NOP58: variants seen among roughly 807,000 people sequenced by gnomAD.
NOP58 encodes the protein NOP58 ribonucleoprotein, also known as nucleolar protein 58.
A neutral mutation model predicts 71.2 loss-of-function variants in NOP58; 44 were observed. That is an observed-to-expected ratio of 0.62 (90% CI 0.49 to 0.79). The LOEUF (loss-of-function observed/expected upper bound fraction) is 0.79, where lower values mean the gene tolerates loss of function less well. Among genes scored for constraint, NOP58 ranks in the 30% least tolerant of loss-of-function variants. The pLI, the probability that NOP58 is intolerant of heterozygous loss-of-function variation, is 0.00. For synonymous variants in NOP58, 228 were observed against 200.3 expected (o/e 1.14, Z -1.17); for missense variants, 538 against 620.2 (o/e 0.87, Z 1.41).
chr2:202,283,607 AT>A lies in NOP58; in HGVS notation c.298-733del, dbSNP rs571897818. Among the ~76,000 whole-genome samples, 863 of 151,544 alleles carry A rather than the reference AT, an allele frequency of 5.7e-3. 4 individuals carry two copies. Among genetic ancestry groups the A allele is most frequent in the South Asian group, 0.014 (68 of 4,790 alleles). On this transcript the variant is annotated intron_variant, in intron 4 of 14. Transcript: ENST00000264279. ...AGGCACCTGCCACCACACCCGGCTA[AT>A]TTTTGTATTTTTAGTAGAGACGGGG...
chr2:202,271,487 A>G (rs559725479), intron 1 of NOP58, among the ~76,000 whole-genome samples: 202 of 152,142 alleles, frequency 1.3e-3, no homozygotes, highest in African/African-American at 4.6e-3. Context: ...GAGTTGCTTT[A>G]ACCAGGGAGG....
rs200314654 is a variant in NOP58, at chr2:202,291,278, T to C, written c.780+8T>C. The C allele has an allele frequency of 2.6e-5, 42 of 1,594,272 alleles. No individual in the cohort carries two copies. The highest frequency in any genetic ancestry group is 3.0e-5 in the Non-Finnish European group (35 of 1,173,146). Reference sequence around the variant, plus strand: ...CTGCATCTTTGCACCCAGGTAAATTTTACTCCTGGAGAATCTAGTTGTGGT... The same window carrying C: ...CTGCATCTTTGCACCCAGGTAAATTCTACTCCTGGAGAATCTAGTTGTGGT... On this transcript the variant is annotated splice_region_variant and intron_variant, in intron 8 of 14. Transcript: ENST00000264279.
chr2:202,300,321 T>C lies in NOP58; in HGVS notation c.1356T>C (p.Asp452=). Residue 452 remains aspartate (D), a synonymous_variant, in exon 13 of 15, where the codon GAT becomes GAC. Coordinates refer to ENST00000264279, the MANE Select transcript of NOP58 (RefSeq NM_015934.5). ...KRKIEQVDKE[D]EITEKKAKKA... is the part of the protein sequence containing the mutation. ...AAATAGAACAGGTAGATAAAGAGGA[T>C]GAAATTACTGAAAAGAAAGCCAAAA... The C allele has an allele frequency of 6.3e-7, 1 of 1,594,634 alleles. No homozygotes were observed. The highest frequency in any genetic ancestry group is 8.5e-7 in the Non-Finnish European group (1 of 1,175,506).
At chr2:202,287,501 A>G (rs950617308) in intron 5 of NOP58, among the ~76,000 whole-genome samples, 159 bp from the exon 6 acceptor site, 1 of 151,202 alleles carries the variant, frequency 6.6e-6, no homozygotes, top group African/African-American at 2.4e-5. Context: ...CGTATGGTGC[A>G]TTTCTACTTA....
chr2:202,278,358 C>G, intron 3 of NOP58: 1 of 466,140 alleles, frequency 2.1e-6, no homozygotes, highest in Non-Finnish European at 4.4e-6. Flanking sequence ...CAGCTCTCTC[C>G]TCATTTTAAT....
chr2:202,293,095 A>G, intron 9 of NOP58, 192 bp downstream of exon 9: 1 of 761,224 alleles, frequency 1.3e-6, no homozygotes, highest in Non-Finnish European at 2.4e-6. Flanking sequence ...TTCCTTTTGG[A>G]TAATGAAGGC....
chr2:202,296,184 T>A (rs1688990221), intron 10 of NOP58, among the ~76,000 whole-genome samples: 1 of 152,082 alleles, frequency 6.6e-6, no homozygotes, highest in Admixed American at 6.6e-5. Flanking sequence ...GCTAAAACAC[T>A]TTGAGAGAAG....
intron 9 of NOP58, among the ~76,000 whole-genome samples, chr2:202,293,648 G>A (rs537640406): frequency 6.6e-6 from 1 of 152,214 alleles, no homozygotes; most frequent in Non-Finnish European, 1.5e-5. Flanking sequence ...GTGGCTCACT[G>A]CAACCTCTGC....
At chr2:202,287,859 C>T (rs1218085535) in intron 6 of NOP58, 135 bp downstream of exon 6, 3 of 657,914 alleles carry the variant, frequency 4.6e-6, no homozygotes, top group Admixed American at 2.7e-5. Flanking sequence ...AGCCTTTAAT[C>T]CCAGCACTTG....
chr2:202,272,212 C>T (rs569151591), intron 1 of NOP58, among the ~76,000 whole-genome samples: 3 of 132,874 alleles, frequency 2.3e-5, no homozygotes, highest in East Asian at 2.3e-4. Context: ...AGTGCAGTGG[C>T]GCGATCTCAG....
Position 202,272,836 on chromosome 2 carries a change from A to G in NOP58, c.46-2277A>G, listed in dbSNP as rs367904095. Among the ~76,000 whole-genome samples, 260 of 152,304 alleles carry G rather than the reference A, an allele frequency of 1.7e-3. 2 individuals carry two copies. The South Asian group carries it at 0.025, about 15-fold the overall frequency. On this transcript the variant is annotated intron_variant, in intron 1 of 14. Transcript: ENST00000264279. ...AACATTTGGGTAACAAAATTGCCAT[A>G]TTTAAAAGATACTTTCGGCCTGGCG...
chr2:202,288,769 C>A (rs796963362), intron 6 of NOP58, among the ~76,000 whole-genome samples: 24 of 151,810 alleles, frequency 1.6e-4, no homozygotes, highest in African/African-American at 5.8e-4. Flanking sequence ...GGGCCGAGAT[C>A]GCACCATTTC....
chr2:202,276,609 G>T (rs1170530761), intron 2 of NOP58: 2 of 379,710 alleles, frequency 5.3e-6, no homozygotes, highest in Non-Finnish European at 1.1e-5. Context: ...GGAGGCCAAG[G>T]CAGGCGGATC....
chr2:202,274,455 T>C (rs1333870925), intron 1 of NOP58, among the ~76,000 whole-genome samples: 2 of 147,796 alleles, frequency 1.4e-5, no homozygotes, highest in African/African-American at 5.1e-5. Flanking sequence ...TTGATCAGGC[T>C]GGTCTTGAAC....
rs142945261 is a variant in NOP58 at position 202,291,604 on chromosome 2, G to A, written c.780+334G>A. Among the ~76,000 whole-genome samples, 1,130 of 152,032 alleles carry A rather than the reference G, an allele frequency of 7.4e-3. 8 individuals carry two copies. The highest frequency in any genetic ancestry group is 0.027 in the Middle Eastern group (8 of 294). Reference sequence around the variant, plus strand: ...GGGATTGACCTGAGGTCAGGAGTTCGAGACCAGCCTGACCAATATGATGAA... The same window carrying A: ...GGGATTGACCTGAGGTCAGGAGTTCAAGACCAGCCTGACCAATATGATGAA... On this transcript the variant is annotated intron_variant, in intron 8 of 14. Coordinates refer to ENST00000264279, the MANE Select transcript of NOP58 (RefSeq NM_015934.5).
chr2:202,268,294 G>GGAGGCC (rs1688450549), intron 1 of NOP58, among the ~76,000 whole-genome samples: 1 of 152,094 alleles, frequency 6.6e-6, no homozygotes, highest in Admixed American at 6.6e-5. Flanking sequence ...CAGCACTTTG[G>GGAGGCC]GAGGCCGAGG....
At chr2:202,275,057 C>T in intron 1 of NOP58, 56 bp from the exon 2 acceptor site, 2 of 769,282 alleles carry the variant, frequency 2.6e-6, no homozygotes, top group South Asian at 1.8e-5. Flanking sequence ...AAGAATGCAG[C>T]TGTATATGCC....
chr2:202,287,064 C>CTTTTTTTTTTTTTTTTTTTTTT, intron 5 of NOP58, among the ~76,000 whole-genome samples: 1 of 110,724 alleles, frequency 9.0e-6, no homozygotes, highest in Non-Finnish European at 1.8e-5. Flanking sequence ...ACCAATATGG[C>CTTTTTTTTTTTTTTTTTTTTTT]TTTTTTTTTT....
At chr2:202,286,849 G>A (rs1255396585) in intron 5 of NOP58, among the ~76,000 whole-genome samples, 1 of 152,048 alleles carries the variant, frequency 6.6e-6, no homozygotes, top group African/African-American at 2.4e-5. Context: ...TAAAAGTTAG[G>A]GATACTGCTA....
Sources: gnomAD v4.1 joint callset for allele counts (sites outside exome capture counted in the v4.1 genomes callset) on GRCh38, gnomAD v4.1.1 for gene constraint, MANE v1.5 for transcripts, NCBI Gene and HGNC (gene_info 2026-07-23, HGNC 2026-07-21) for gene names.